The following DOCK9 variants were observed in gnomAD, a reference collection of about 807,000 sequenced individuals.
The protein encoded by DOCK9 is dedicator of cytokinesis 9.
Under a neutral mutation model 263.3 loss-of-function variants are expected in DOCK9, and 89 were observed. That is an observed-to-expected ratio of 0.34 (90% CI 0.28 to 0.40). The LOEUF (loss-of-function observed/expected upper bound fraction) is 0.40. Ranked by LOEUF, DOCK9 falls within the 10% of genes least tolerant of loss-of-function variation. DOCK9 has a pLI of 1.00. For synonymous variants in DOCK9, 976 were observed against 973.1 expected (o/e 1.00, Z -0.06); for missense variants, 2,140 against 2,603.4 (o/e 0.82, Z 3.87).
At chr13:99,005,871 C>CA (rs1188701417) in intron 1 of DOCK9, among the ~76,000 whole-genome samples, 1 of 147,128 alleles carries the variant, frequency 6.8e-6, no homozygotes, top group Non-Finnish European at 1.5e-5. Context: ...ACTTTATTTA[C>CA]AAAAACAGAC....
intron 1 of DOCK9, among the ~76,000 whole-genome samples, chr13:99,044,458 C>G (rs1888763140): frequency 6.6e-6 from 1 of 152,188 alleles, no homozygotes. Flanking sequence ...CCACAGATGT[C>G]TGCCACCTGG....
chr13:98,807,940 T>G, intron 47 of DOCK9, 133 bp from the exon 48 acceptor site: 1 of 682,930 alleles, frequency 1.5e-6, no homozygotes, highest in South Asian at 3.3e-5. Context: ...GCTTTCTGAA[T>G]GAGAAAGAAA....
intron 1 of DOCK9, among the ~76,000 whole-genome samples, chr13:99,048,740 T>C (rs2040550765): frequency 6.6e-6 from 1 of 152,258 alleles, no homozygotes; most frequent in Non-Finnish European, 1.5e-5. Flanking sequence ...TTTCTCATTC[T>C]CTACAGTTCT....
intron 1 of DOCK9, among the ~76,000 whole-genome samples, chr13:99,048,191 C>CTGTTT (rs368509325): frequency 0.014 from 2,065 of 152,180 alleles, 36 homozygotes; most frequent in African/African-American, 0.032. Context: ...ACAGTTTTAT[C>CTGTTT]TGTTTTGTTT....
intron 10 of DOCK9, 108 bp from the exon 11 acceptor site, chr13:98,903,220 T>TATTGTGAGTAAATAAGTG: frequency 5.8e-6 from 5 of 864,444 alleles, no homozygotes; most frequent in Non-Finnish European, 8.3e-6. Context: ...CTATATACAC[T>TATTGTGAGTAAATAAGTG]TATTTACTCA....
intron 1 of DOCK9, among the ~76,000 whole-genome samples, chr13:99,069,770 T>C (rs772854126): frequency 6.6e-6 from 1 of 152,236 alleles, no homozygotes; most frequent in Admixed American, 6.5e-5. Flanking sequence ...AAAAAATATG[T>C]TTAATGATTC....
intron 9 of DOCK9, among the ~76,000 whole-genome samples, chr13:98,909,966 T>C (rs1312645356): frequency 6.6e-6 from 1 of 152,208 alleles, no homozygotes; most frequent in Non-Finnish European, 1.5e-5. Context: ...GGTAAAAGGA[T>C]GTGAGCAATT....
chr13:98,890,065 T>C (rs1379452430), intron 15 of DOCK9, among the ~76,000 whole-genome samples: 3 of 152,364 alleles, frequency 2.0e-5, no homozygotes, highest in East Asian at 3.9e-4. Context: ...ATTTTTGTCT[T>C]GCTGAAATTT....
At chr13:98,801,625 A>C (rs1274545789) in intron 49 of DOCK9, among the ~76,000 whole-genome samples, 2 of 152,194 alleles carry the variant, frequency 1.3e-5, no homozygotes, top group African/African-American at 4.8e-5. Context: ...TATAATATAG[A>C]AATATCTATA....
intron 1 of DOCK9, among the ~76,000 whole-genome samples, chr13:99,075,446 G>T (rs1363542468): frequency 4.7e-5 from 7 of 148,020 alleles, no homozygotes; most frequent in African/African-American, 1.7e-4. Context: ...ATGACTTCCT[G>T]GACTTAAGCA....
intron 1 of DOCK9, among the ~76,000 whole-genome samples, chr13:99,024,577 T>G (rs1409322979): frequency 6.6e-6 from 1 of 152,226 alleles, no homozygotes; most frequent in Non-Finnish European, 1.5e-5. Flanking sequence ...TACTTTTATC[T>G]TACATTTTAG....
intron 46 of DOCK9, 82 bp downstream of exon 46, chr13:98,810,085 CCT>C: frequency 6.4e-7 from 1 of 1,574,642 alleles, no homozygotes; most frequent in South Asian, 1.2e-5. Context: ...TGGCCTGCTT[CCT>C]CTCTCACATA....
chr13:98,880,110 A>G (rs369231091), intron 26 of DOCK9, 141 bp from the exon 27 acceptor site: 42 of 633,326 alleles, frequency 6.6e-5, no homozygotes, highest in East Asian at 5.8e-4. Flanking sequence ...CATTATGATC[A>G]GAGCCAACGG....
intron 26 of DOCK9, 100 bp from the exon 27 acceptor site, chr13:98,880,069 T>C: frequency 1.1e-6 from 1 of 936,522 alleles, no homozygotes; most frequent in East Asian, 2.5e-5. Flanking sequence ...AAAGCAGGTG[T>C]GACCCTAAAA....
chr13:98,811,944 A>G (rs933666360), intron 45 of DOCK9, among the ~76,000 whole-genome samples: 4 of 152,178 alleles, frequency 2.6e-5, no homozygotes, highest in African/African-American at 9.6e-5. Context: ...AAGTATAAAT[A>G]TTCTTTTTTG....
At chr13:98,846,590 T>A in intron 37 of DOCK9, 1 of 1,348,972 alleles carries the variant, frequency 7.4e-7, no homozygotes, top group Non-Finnish European at 9.8e-7. Context: ...AACAGAAGAG[T>A]GATTTGGGTT....
At position 98,825,929 on chromosome 13, in the gene DOCK9, A is replaced by G; in HGVS notation, c.5023+901T>C. On this transcript the variant is annotated intron_variant, in intron 44 of 52. Coordinates refer to ENST00000682017, the MANE Select transcript of DOCK9 (RefSeq NM_001366683.2). The surrounding 1 kb of genome is among the most constrained non-coding windows in gnomAD (Gnocchi z 4.1). ...CTGTGGGGGAGAAGGGGCGGCTCCC[A>G]CTGGACTGCTTCTAAACATGAGGAA... 1 of 1,549,680 alleles carries G rather than the reference A, an allele frequency of 6.5e-7. No individual in the cohort carries two copies. Among genetic ancestry groups the G allele is most frequent in the Non-Finnish European group, 8.7e-7 (1 of 1,146,510 alleles).
In DOCK9 at chr13:99,078,783, C is replaced by T. The variant is rs56120928; in HGVS notation, c.129+7440G>A. On this transcript the variant is annotated intron_variant, in intron 1 of 32. Transcript: ENST00000427887. The stretch of plus-strand genomic sequence containing the variant: ...GGAGTAAGTGGCTTCGCTCTGAGGG[C>T]TCCAATTATCACAGCACATTCTCAA... Among the ~76,000 whole-genome samples, 3 of 152,334 alleles carry T rather than the reference C, an allele frequency of 2.0e-5. No homozygotes were observed. The East Asian group carries it at 5.8e-4, about 29-fold the overall frequency.
At chr13:98,986,363 G>A (rs1878444103) in intron 1 of DOCK9, among the ~76,000 whole-genome samples, 1 of 152,228 alleles carries the variant, frequency 6.6e-6, no homozygotes, top group Non-Finnish European at 1.5e-5. Flanking sequence ...CGGGGGTGGA[G>A]GGGACAGGCC....
Sources: allele counts gnomAD v4.1 joint callset (sites outside exome capture counted in the v4.1 genomes callset), GRCh38; gene constraint gnomAD v4.1.1; non-coding constraint Gnocchi (gnomAD v3.1); transcripts MANE v1.5; gene names NCBI Gene and HGNC (gene_info 2026-07-23, HGNC 2026-07-21).